The following FHIP1A variants were observed in gnomAD, a reference collection of about 807,000 sequenced individuals.
The protein encoded by FHIP1A is FHF complex subunit HOOK interacting protein 1A, also known as FHF complex subunit HOOK-interacting protein 1A.
In FHIP1A, 61 loss-of-function variants were observed where a neutral mutation model predicts 88.6. The observed-to-expected ratio is 0.69, with a 90% CI of 0.56 to 0.85. FHIP1A has a LOEUF of 0.85. FHIP1A is among the 40% of genes least tolerant of loss of function. The probability of loss-of-function intolerance (pLI) is 0.00; values close to 1 mark genes in which losing one functional copy is unlikely to be tolerated. For missense variants in FHIP1A, 1,154 were observed against 1,273.5 expected, an observed-to-expected ratio of 0.91 and a Z score of 1.43; for synonymous variants, 478 against 496.0, an observed-to-expected ratio of 0.96 and a Z score of 0.48.
At position 151,527,558 on chromosome 4, in the gene FHIP1A, AGAGAGG is replaced by A. The variant is rs759730701; in HGVS notation, c.-122-38560_-122-38555del. Among the ~76,000 whole-genome samples the A allele has an allele frequency of 9.5e-4, 144 of 151,994 alleles. 1 individual carries two copies. The highest frequency in any genetic ancestry group is 2.1e-3 in the African/African-American group (88 of 41,378). On this transcript the variant is annotated intron_variant, in intron 3 of 13. Coordinates refer to ENST00000435205, the MANE Select transcript of FHIP1A (RefSeq NM_001109977.3). ...ACCGTGGGGAGAGCGAGAGCGAGAGAGAGAGGGAGAGGGAGAGGGAGAGGGCACCTT... is the reference window on the plus strand; with the variant it reads ...ACCGTGGGGAGAGCGAGAGCGAGAGAGAGAGGGAGAGGGAGAGGGCACCTT...
chr4:151,494,563 G>A (rs1272969412), intron 3 of FHIP1A, among the ~76,000 whole-genome samples: 1 of 152,044 alleles, frequency 6.6e-6, no homozygotes, highest in African/African-American at 2.4e-5. Flanking sequence ...TTGCTGTTTT[G>A]GTTATTGTAG....
chr4:151,479,437 A>G (rs941748838), intron 2 of FHIP1A, among the ~76,000 whole-genome samples: 1 of 152,054 alleles, frequency 6.6e-6, no homozygotes, highest in Admixed American at 6.6e-5. Flanking sequence ...TTGTTCTACT[A>G]TGGGAGATTC....
intron 3 of FHIP1A, among the ~76,000 whole-genome samples, chr4:151,488,410 A>G (rs1165550271): frequency 1.3e-5 from 2 of 152,138 alleles, no homozygotes; most frequent in Admixed American, 6.6e-5. Context: ...CTGTTCCTGC[A>G]TTAATTCTCT....
intron 3 of FHIP1A, among the ~76,000 whole-genome samples, chr4:151,513,053 A>C (rs28828108): frequency 0.52 from 78,798 of 151,812 alleles, 20,739 homozygotes; most frequent in African/African-American, 0.55. Context: ...AGCCAGAGAG[A>C]AAGGTCAGGT....
intron 1 of FHIP1A, among the ~76,000 whole-genome samples, chr4:151,429,607 G>GGGA (rs1215143043): frequency 2.0e-5 from 3 of 152,134 alleles, no homozygotes; most frequent in Admixed American, 6.5e-5. Context: ...CTGACACTTT[G>GGGA]GGAGGCCAAG....
chr4:151,418,891 T>C (rs1733004852), intron 1 of FHIP1A, among the ~76,000 whole-genome samples: 2 of 152,210 alleles, frequency 1.3e-5, no homozygotes, highest in African/African-American at 4.8e-5. Context: ...ATAATATTTT[T>C]CATTTTGTTT....
At chr4:151,584,871 G>A (rs1226644679) in intron 5 of FHIP1A, among the ~76,000 whole-genome samples, 1 of 151,836 alleles carries the variant, frequency 6.6e-6, no homozygotes, top group African/African-American at 2.4e-5. Context: ...CTCTTTTTCT[G>A]GCTAACTCCT....
chr4:151,599,784 G>T (rs1734792906), intron 7 of FHIP1A, among the ~76,000 whole-genome samples: 1 of 152,186 alleles, frequency 6.6e-6, no homozygotes, highest in Admixed American at 6.5e-5. Flanking sequence ...GGCCACTAAC[G>T]TGGTAGATGG....
At chr4:151,526,387 C>CT (rs1321884891) in intron 3 of FHIP1A, among the ~76,000 whole-genome samples, 1 of 149,508 alleles carries the variant, frequency 6.7e-6, no homozygotes, top group East Asian at 2.0e-4. Flanking sequence ...GGGCGGGGGG[C>CT]TGACCCCCCC....
intron 3 of FHIP1A, among the ~76,000 whole-genome samples, chr4:151,536,944 G>A (rs370763611): frequency 9.9e-5 from 15 of 152,116 alleles, no homozygotes; most frequent in East Asian, 1.9e-4. Flanking sequence ...GCATGAACAC[G>A]ACTCACTGCA....
chr4:151,483,416 C>T (rs1329603477), intron 3 of FHIP1A, among the ~76,000 whole-genome samples: 1 of 152,000 alleles, frequency 6.6e-6, no homozygotes, highest in Non-Finnish European at 1.5e-5. Flanking sequence ...GTATCAAAAT[C>T]AGAATCAGAA....
chr4:151,649,535 C>T lies in FHIP1A; in HGVS notation c.1494C>T (p.Ile498=). The T allele has an allele frequency of 6.4e-7, 1 of 1,551,744 alleles. No homozygotes were observed. Among genetic ancestry groups the T allele is most frequent in the Non-Finnish European group, 8.7e-7 (1 of 1,146,996 alleles). The change falls in exon 11 of 14, where the codon ATC becomes ATT. Residue 498 remains isoleucine (I), a synonymous_variant. Coordinates refer to ENST00000435205, the MANE Select transcript of FHIP1A (RefSeq NM_001109977.3). ...TGGAGTATGGGAAAGCCCTGGACAT[C>T]AGCTACCTGCAGTACCTGTGGGAGG... is the stretch of plus-strand genomic sequence containing the variant. ...CIVEYGKALD[I]SYLQYLWEAH... is the part of the protein sequence containing the mutation.
At chr4:151,458,803 C>T (rs1452222259) in intron 2 of FHIP1A, among the ~76,000 whole-genome samples, 4 of 151,964 alleles carry the variant, frequency 2.6e-5, no homozygotes, top group Admixed American at 1.3e-4. Context: ...TTATCTTAGT[C>T]GGCTCCTACT....
intron 2 of FHIP1A, among the ~76,000 whole-genome samples, chr4:151,456,328 T>C (rs972631885): frequency 3.9e-5 from 6 of 152,124 alleles, no homozygotes; most frequent in Non-Finnish European, 8.8e-5. Context: ...TCAAAATAAA[T>C]GCAAAGTAAA....
intron 2 of FHIP1A, among the ~76,000 whole-genome samples, chr4:151,474,723 C>T (rs562024312): frequency 1.3e-3 from 200 of 152,320 alleles, no homozygotes; most frequent in African/African-American, 4.5e-3. Context: ...ATTGGCCATT[C>T]GGCCCTGAAG....
At chr4:151,636,242 A>G (rs888989127) in intron 8 of FHIP1A, among the ~76,000 whole-genome samples, 1 of 152,006 alleles carries the variant, frequency 6.6e-6, no homozygotes, top group African/African-American at 2.4e-5. Context: ...CAGCATACTC[A>G]ACAAATTAGA....
chr4:151,429,892 A>G (rs1733531815), intron 1 of FHIP1A, among the ~76,000 whole-genome samples: 1 of 150,374 alleles, frequency 6.7e-6, no homozygotes, highest in Admixed American at 6.6e-5. Context: ...GATTCTCTTC[A>G]TTTTCTAAAT....
intron 3 of FHIP1A, among the ~76,000 whole-genome samples, chr4:151,518,704 C>T (rs897340442): frequency 1.6e-5 from 2 of 126,450 alleles, no homozygotes; most frequent in South Asian, 2.9e-4. Context: ...CCCTTTCTTT[C>T]GTTTGAATGC....
At chr4:151,555,130 C>T (rs567913571) in intron 3 of FHIP1A, among the ~76,000 whole-genome samples, 3 of 152,168 alleles carry the variant, frequency 2.0e-5, no homozygotes, top group African/African-American at 7.2e-5. Flanking sequence ...CCCCCAGAGG[C>T]GTTGGCTCTT....
Sources: gnomAD v4.1 joint callset for allele counts (sites outside exome capture counted in the v4.1 genomes callset) on GRCh38, gnomAD v4.1.1 for gene constraint, MANE v1.5 for transcripts, NCBI Gene and HGNC (gene_info 2026-07-23, HGNC 2026-07-21) for gene names.